The following LLGL2 variants were observed in gnomAD, a reference collection of about 807,000 sequenced individuals.
LLGL2 encodes LLGL2, scribble cell polarity complex component.
LLGL2 carries 81 observed loss-of-function variants against 123.2 expected under a neutral mutation model. The ratio of observed to expected loss-of-function variants is 0.66; its 90% CI spans 0.55 to 0.79. The LOEUF (loss-of-function observed/expected upper bound fraction) is 0.79. LLGL2 is among the 30% of genes least tolerant of loss of function. The pLI is 0.00. For missense variants in LLGL2, 1,273 were observed against 1,414.6 expected, an observed-to-expected ratio of 0.90 and a Z score of 1.61; for synonymous variants, 577 against 594.1, an observed-to-expected ratio of 0.97 and a Z score of 0.42.
chr17:75,569,197 C>T lies in LLGL2; in HGVS notation c.1477-24C>T, dbSNP rs922384091. 1.6e-5 allele frequency: 25 copies of T among 1,612,458 alleles called. No homozygotes were observed. In the Admixed American group the frequency reaches 2.8e-4, roughly 18 times the overall value. ...GCTGGGTCCTGTCCCCGTGGCTGCTCACAGGGCCCCTCCCCTTCTCCAGGT... is the reference window on the plus strand; with the variant it reads ...GCTGGGTCCTGTCCCCGTGGCTGCTTACAGGGCCCCTCCCCTTCTCCAGGT... On this transcript the variant is annotated intron_variant, in intron 13 of 25. Transcript: ENST00000392550.
In LLGL2 at chr17:75,572,075, G is replaced by A. The variant is rs1381204584; in HGVS notation, c.2460+11G>A. 1.2e-6 allele frequency: 2 copies of A among 1,605,056 alleles called. No homozygotes were observed. Among genetic ancestry groups the A allele is most frequent in the East Asian group, 4.5e-5 (2 of 44,764 alleles). On this transcript the variant is annotated intron_variant, in intron 19 of 25. Coordinates refer to ENST00000392550, the MANE Select transcript of LLGL2 (RefSeq NM_001031803.2). Reference sequence around the variant, plus strand: ...GAGGAGCAGTTCAAGGTGCCACACGGGCAGCGGCGGGTCTCCCTGGGACTC... The same window carrying A: ...GAGGAGCAGTTCAAGGTGCCACACGAGCAGCGGCGGGTCTCCCTGGGACTC...
chr17:75,570,572 C>T lies in LLGL2; in HGVS notation c.2025+74C>T, dbSNP rs972585762. On this transcript the variant is annotated intron_variant, in intron 16 of 25. Coordinates refer to ENST00000392550, the MANE Select transcript of LLGL2 (RefSeq NM_001031803.2). ...CAGAGCAGCCAGCAGGGGGGCCACA[C>T]GGCCCCTGCTCCCCAGGCTTGCTAG... The T allele has an allele frequency of 4.3e-5, 64 of 1,481,976 alleles. 1 individual carries two copies. In the South Asian group the frequency reaches 6.0e-4, roughly 14 times the overall value. The allele number at this position is 1,481,976 out of a possible 1,614,324, so 91.8% of individuals were successfully genotyped here.
intron 15 of LLGL2, 24 bp from the exon 16 acceptor site, chr17:75,570,324 C>T (rs1406642914): frequency 2.5e-6 from 4 of 1,609,994 alleles, no homozygotes; most frequent in Non-Finnish European, 2.5e-6. Flanking sequence ...CCTAGCAGCA[C>T]TGACAGCCTG....
rs984406936 is a variant in LLGL2, at chr17:75,571,782, G to A, written c.2292G>A (p.Gln764=). 2.5e-6 allele frequency: 4 copies of A among 1,606,814 alleles called. No homozygotes were observed. The highest frequency in any genetic ancestry group is 1.3e-5 in the African/African-American group (1 of 74,928). Residue 764 remains glutamine (Q), a splice_region_variant and synonymous_variant, in exon 18 of 26, where the codon CAG becomes CAA. Transcript: ENST00000392550. ...TGGATGAGCCTGTGCGGGCAGAGCA[G>A]GGTGAGTGCTGGGCAGGGAGAGCAG... ...RRMDEPVRAE[Q]AKEIQLMHRA... is the part of the protein sequence containing the mutation.
chr17:75,539,986 G>T (rs2054147815), intron 1 of LLGL2, among the ~76,000 whole-genome samples: 2 of 152,148 alleles, frequency 1.3e-5, no homozygotes, highest in African/African-American at 4.8e-5. Flanking sequence ...CCTTTCCTAG[G>T]ACAGTGTCTG....
chr17:75,573,640 A>G lies in LLGL2; in HGVS notation c.2876+9A>G. On this transcript the variant is annotated intron_variant, in intron 21 of 25. Coordinates refer to ENST00000392550, the MANE Select transcript of LLGL2 (RefSeq NM_001031803.2). ...GCCCCGAGCCGAGCCAGGTGAGTGAAAGGGCCAGAGGCCTCTCCCGCCCCT... is the reference window on the plus strand; with the variant it reads ...GCCCCGAGCCGAGCCAGGTGAGTGAGAGGGCCAGAGGCCTCTCCCGCCCCT... 1 of 1,605,610 alleles carries G rather than the reference A, an allele frequency of 6.2e-7. No homozygotes were observed. The highest frequency in any genetic ancestry group is 8.5e-7 in the Non-Finnish European group (1 of 1,176,614).
At chr17:75,566,737 G>A (rs1008785226) in intron 10 of LLGL2, among the ~76,000 whole-genome samples, 3 of 152,148 alleles carry the variant, frequency 2.0e-5, no homozygotes. Flanking sequence ...GGGTTTGCTG[G>A]GAGCACCAGG....
rs1462380636 is a variant in LLGL2 at position 75,575,180 on chromosome 17, A to G, written c.*302A>G. 1 of 550,734 alleles carries G rather than the reference A, an allele frequency of 1.8e-6. No homozygotes were observed. The highest frequency in any genetic ancestry group is 3.2e-6 in the Non-Finnish European group (1 of 308,230). 34.1% of individuals were successfully genotyped at this position (550,734 alleles called of 1,614,324 possible). ...AATGTTAACTGCCTCTGGGTGAAAA[A>G]GTTTTTAATAAACACCTATTACCTC... On this transcript the variant is annotated 3_prime_UTR_variant, in exon 26 of 26. Coordinates refer to ENST00000392550, the MANE Select transcript of LLGL2 (RefSeq NM_001031803.2).
Position 75,564,663 on chromosome 17 carries a change from G to A in LLGL2, c.1036+156G>A. 3 of 1,287,414 alleles carry A rather than the reference G, an allele frequency of 2.3e-6. No individual in the cohort carries two copies. The South Asian group carries it at 4.7e-5, about 20-fold the overall frequency. 79.7% of individuals were successfully genotyped at this position (1,287,414 alleles called of 1,614,324 possible). A position where few individuals can be genotyped will look rare whatever the true frequency, so the allele number is the denominator to read the frequency against. ...GGATCGCTTGAACCCAGGAGTTCAA[G>A]TCCAGCCTGGACAACGTAGGGAGAC... On this transcript the variant is annotated intron_variant, in intron 10 of 25. Transcript: ENST00000392550. The surrounding 1 kb of genome is among the most constrained non-coding windows in gnomAD (Gnocchi z 4.9).
chr17:75,573,654 T>TCTCCCGCCCCTCCCGCCC, intron 21 of LLGL2, 23 bp downstream of exon 21: 7 of 1,550,822 alleles, frequency 4.5e-6, no homozygotes, highest in Non-Finnish European at 6.1e-6. Context: ...GCCAGAGGCC[T>TCTCCCGCCCCTCCCGCCC]CTCCCGCCCC....
At chr17:75,526,575 G>T (rs541922832) in intron 1 of LLGL2, among the ~76,000 whole-genome samples, 7 of 152,316 alleles carry the variant, frequency 4.6e-5, no homozygotes, top group African/African-American at 1.2e-4. Flanking sequence ...CAGGGGAGCT[G>T]TAGAGTGGCG....
chr17:75,541,715 C>CCT (rs2054213204), intron 1 of LLGL2, among the ~76,000 whole-genome samples: 1 of 31,508 alleles, frequency 3.2e-5, no homozygotes, highest in Non-Finnish European at 5.4e-5. Context: ...TGTGGCTCTG[C>CCT]TTTTTTTTTT....
At chr17:75,571,637 G>T in intron 17 of LLGL2, 30 bp from the exon 18 acceptor site, 1 of 1,549,606 alleles carries the variant, frequency 6.5e-7, no homozygotes. Context: ...CACGCTAAGG[G>T]TCAGACACCC....
intron 1 of LLGL2, among the ~76,000 whole-genome samples, chr17:75,528,060 G>A (rs62088471): frequency 1.3e-5 from 2 of 151,880 alleles, no homozygotes; most frequent in South Asian, 4.1e-4. Flanking sequence ...TAGGATTACA[G>A]GCATGAACTG....
In LLGL2 at chr17:75,573,003, C is replaced by T; in HGVS notation, c.2461-11C>T. 6.3e-7 allele frequency: 1 copy of T among 1,593,998 alleles called. No homozygotes were observed. Among genetic ancestry groups the T allele is most frequent in the Non-Finnish European group, 8.6e-7 (1 of 1,166,914 alleles). ...TGGCCATGGGCATGAACAACCACCC[C>T]ACGCCCCCAGGTGTTCACGCTGCCC... On this transcript the variant is annotated splice_polypyrimidine_tract_variant and intron_variant, in intron 19 of 25. Coordinates refer to ENST00000392550, the MANE Select transcript of LLGL2 (RefSeq NM_001031803.2).
intron 2 of LLGL2, among the ~76,000 whole-genome samples, chr17:75,555,512 T>C (rs2147337228): frequency 1.3e-5 from 2 of 152,206 alleles, no homozygotes; most frequent in Middle Eastern, 6.8e-3. Flanking sequence ...TGGTTGGAAT[T>C]TGGTGACAGT....
chr17:75,571,581 G>A (rs1433857480), intron 17 of LLGL2, 86 bp from the exon 18 acceptor site: 7 of 981,504 alleles, frequency 7.1e-6, no homozygotes, highest in Non-Finnish European at 1.1e-5. Flanking sequence ...CTCCCAGGAG[G>A]GAAAACCTGG....
At chr17:75,551,490 G>T (rs966753276) in intron 2 of LLGL2, among the ~76,000 whole-genome samples, 2 of 152,026 alleles carry the variant, frequency 1.3e-5, no homozygotes, top group Non-Finnish European at 2.9e-5. Context: ...GGTGGGGATG[G>T]GGGGGAGGGG....
chr17:75,547,593 G>C (rs1361062900), intron 2 of LLGL2, among the ~76,000 whole-genome samples: 1 of 152,186 alleles, frequency 6.6e-6, no homozygotes, highest in Non-Finnish European at 1.5e-5. Context: ...GGGAGGCTGA[G>C]GTGGGTGGAT....
Sources: allele counts gnomAD v4.1 joint callset (sites outside exome capture counted in the v4.1 genomes callset), GRCh38; gene constraint gnomAD v4.1.1; non-coding constraint Gnocchi (gnomAD v3.1); transcripts MANE v1.5; gene names NCBI Gene and HGNC (gene_info 2026-07-23, HGNC 2026-07-21).